The following ANGPTL6 variants were observed in gnomAD, a reference collection of about 807,000 sequenced individuals.
ANGPTL6 encodes the protein angiopoietin-related protein 6.
ANGPTL6 carries 45 observed loss-of-function variants against 47.4 expected under a neutral mutation model. That is an observed-to-expected ratio of 0.95 (90% CI 0.75 to 1.22). The LOEUF (loss-of-function observed/expected upper bound fraction) is 1.22, where lower values mean the gene tolerates loss of function less well. Ranked by LOEUF, ANGPTL6 falls within the 50% of genes most tolerant of loss-of-function variation. ANGPTL6 has a pLI of 0.00. For synonymous variants in ANGPTL6, 290 were observed against 295.9 expected (o/e 0.98, Z 0.20); for missense variants, 698 against 669.4 (o/e 1.04, Z -0.47).
At chr19:10,095,749 G>C (rs1437691099) in intron 2 of ANGPTL6, among the ~76,000 whole-genome samples, 1 of 152,154 alleles carries the variant, frequency 6.6e-6, no homozygotes, top group Non-Finnish European at 1.5e-5. Context: ...TGGTCTTTAC[G>C]TGATAATGAT....
chr19:10,097,697 CAA>C, intron 1 of ANGPTL6, among the ~76,000 whole-genome samples: 1 of 151,648 alleles, frequency 6.6e-6, no homozygotes, highest in Non-Finnish European at 1.5e-5. Context: ...ACTAAAAATA[CAA>C]AAAGTTAGCT....
At chr19:10,099,907 C>A (rs1309431742) in intron 1 of ANGPTL6, among the ~76,000 whole-genome samples, 1 of 143,810 alleles carries the variant, frequency 7.0e-6, no homozygotes, top group Non-Finnish European at 1.5e-5. Context: ...TTTTTTTAGA[C>A]GGAGTCTCGC....
rs143740595 is a variant in ANGPTL6, at chr19:10,093,801, G to A, written c.843C>T (p.His281=). The A allele has an allele frequency of 9.9e-6, 16 of 1,613,876 alleles. No individual in the cohort carries two copies. In the African/African-American group the frequency reaches 1.3e-4, roughly 13 times the overall value. The stretch of plus-strand genomic sequence containing the variant: ...GCTGCTCACACCATACTGACACTAC[G>A]TGACGGCCCACTCGCAGTTCATACA... ...SGVYELRVGR[H]VVSVWCEQQL... Residue 281 remains histidine (H), a synonymous_variant, in exon 4 of 6, where the codon CAC becomes CAT. Transcript: ENST00000253109.
chr19:10,104,356 G>A (rs2088766586), upstream of ANGPTL6, among the ~76,000 whole-genome samples: 1 of 149,508 alleles, frequency 6.7e-6, no homozygotes, highest in African/African-American at 2.5e-5. Flanking sequence ...GTAGTTTTAT[G>A]GTTCTGAGTT....
intron 5 of ANGPTL6, 141 bp from the exon 6 acceptor site, chr19:10,092,920 CA>C (rs2088428891): frequency 1.3e-5 from 9 of 683,996 alleles, no homozygotes; most frequent in South Asian, 6.6e-5. Context: ...ATCTCCTCAG[CA>C]AAAAAATAGG....
chr19:10,099,223 G>A (rs764064006), intron 1 of ANGPTL6, among the ~76,000 whole-genome samples: 1 of 151,928 alleles, frequency 6.6e-6, no homozygotes, highest in Non-Finnish European at 1.5e-5. Flanking sequence ...TCCCTCCTCT[G>A]CCCTGAATCC....
rs1369593415 is a variant in ANGPTL6, at chr19:10,096,339, C to T, written c.225G>A (p.Leu75=). The part of the protein sequence containing the change: ...LRMRVGRHEE[L]LRELQRLAAA... ...CCGCCAGCCTCTGCAGCTCGCGTAA[C>T]AGCTCCTCGTGGCGGCCGACGCGCA... is the stretch of plus-strand genomic sequence containing the variant. The change falls in exon 2 of 6, where the codon CTG becomes CTA. Residue 75 remains leucine, a synonymous_variant. Transcript: ENST00000253109. The T allele has an allele frequency of 9.3e-6, 12 of 1,288,332 alleles. No homozygotes were observed. Among genetic ancestry groups the T allele is most frequent in the Non-Finnish European group, 1.2e-5 (12 of 1,022,908 alleles). 79.8% of individuals were successfully genotyped at this position (1,288,332 alleles called of 1,614,324 possible). A position where few individuals can be genotyped will look rare whatever the true frequency, so the allele number is the denominator to read the frequency against.
chr19:10,103,648 A>G (rs1180464350), upstream of ANGPTL6, among the ~76,000 whole-genome samples: 2 of 149,636 alleles, frequency 1.3e-5, no homozygotes, highest in East Asian at 1.9e-4. Context: ...TAATAAAGTG[A>G]GGAATTAATT....
intron 1 of ANGPTL6, among the ~76,000 whole-genome samples, chr19:10,097,043 G>T (rs2088564338): frequency 6.6e-6 from 1 of 151,950 alleles, no homozygotes; most frequent in Non-Finnish European, 1.5e-5. Flanking sequence ...AGGCTTCAGT[G>T]AGCCATGATC....
chr19:10,105,691 G>A (rs776566836), upstream of ANGPTL6, among the ~76,000 whole-genome samples: 3 of 151,788 alleles, frequency 2.0e-5, no homozygotes, highest in Non-Finnish European at 2.9e-5. Flanking sequence ...AGAGGAGGCC[G>A]ATGGGGGAGG....
intron 2 of ANGPTL6, 59 bp downstream of exon 2, chr19:10,095,923 G>A: frequency 3.0e-6 from 3 of 1,012,396 alleles, no homozygotes; most frequent in East Asian, 6.4e-5. Flanking sequence ...AGAGATCGTG[G>A]GGTTGCAAAA....
chr19:10,094,920 G>T lies in ANGPTL6; in HGVS notation c.601C>A (p.Leu201Met). 2 of 1,610,654 alleles carry T rather than the reference G, an allele frequency of 1.2e-6. No individual in the cohort carries two copies. The highest frequency in any genetic ancestry group is 1.7e-6 in the Non-Finnish European group (2 of 1,177,926). The change falls in exon 3 of 6, where the codon CTG becomes ATG. Residue 201 changes from leucine to methionine, a missense_variant. By Grantham distance (15) the Leu-to-Met change is conservative (BLOSUM62 2). Coordinates refer to ENST00000253109, the MANE Select transcript of ANGPTL6 (RefSeq NM_031917.3). ...GQQQVLPPPP[L>M]VPVVPVRLVG... ...AGACGGACCGGAACCACAGGCACCA[G>T]TGGGGGTGGCGGCAGGACCTGGGGT...
chr19:10,092,376 C>A lies in ANGPTL6; in HGVS notation c.*213G>T. ...TGTTATTATAAGATATGAGCTCAAA[C>A]CGAGATATGAATGACCTTGGGGAGC... On this transcript the variant is annotated 3_prime_UTR_variant, in exon 6 of 6. Transcript: ENST00000253109. The A allele has an allele frequency of 1.3e-6, 2 of 1,532,398 alleles. No individual in the cohort carries two copies. Among genetic ancestry groups the A allele is most frequent in the Non-Finnish European group, 1.7e-6 (2 of 1,143,310 alleles). 94.9% of individuals were successfully genotyped at this position (1,532,398 alleles called of 1,614,324 possible).
In ANGPTL6 at chr19:10,102,604, CAG is replaced by C. The variant is rs1184363983; in HGVS notation, c.-49_-48del. ...AAGACCCTGAATCCAGCGAAGCTCA[CAG>C]AACACACAAGAAGTCCAAGGAAGAG... On this transcript the variant is annotated 5_prime_UTR_variant, in exon 1 of 6. Transcript: ENST00000253109. 4 of 984,492 alleles carry C rather than the reference CAG, an allele frequency of 4.1e-6. No homozygotes were observed. The highest frequency in any genetic ancestry group is 6.2e-5 in the Admixed American group (1 of 16,226). 61.0% of individuals were successfully genotyped at this position (984,492 alleles called of 1,614,324 possible). A position where few individuals can be genotyped will look rare whatever the true frequency, so the allele number is the denominator to read the frequency against.
intron 1 of ANGPTL6, 33 bp from the exon 2 acceptor site, chr19:10,096,606 G>C (rs1267694132): frequency 6.9e-7 from 1 of 1,443,892 alleles, no homozygotes. Context: ...AGGAAGACGG[G>C]GTGCTGGGGC....
chr19:10,099,287 A>G (rs924418612), intron 1 of ANGPTL6, among the ~76,000 whole-genome samples: 7 of 152,116 alleles, frequency 4.6e-5, no homozygotes, highest in Non-Finnish European at 8.8e-5. Context: ...CATGATCCAT[A>G]AAAAGTTGCG....
In ANGPTL6 at chr19:10,096,371, G is replaced by C; in HGVS notation, c.193C>G (p.Leu65Val). The change falls in exon 2 of 6, where the codon CTG (leucine) becomes GTG (valine). Residue 65 changes from leucine (L) to valine (V), a missense_variant. By Grantham distance (32) the Leu-to-Val change is conservative. Coordinates refer to ENST00000253109, the MANE Select transcript of ANGPTL6 (RefSeq NM_031917.3). ...TCGTGGCGGCCGACGCGCATGCGCA[G>C]CGCCGCCAGCTCGCTGGCGTTGGCG... is the stretch of plus-strand genomic sequence containing the variant. Reference protein sequence around the residue: ...EAANASELAALRMRVGRHEEL... With the variant: ...EAANASELAAVRMRVGRHEEL... The C allele has an allele frequency of 7.7e-7, 1 of 1,296,438 alleles. No homozygotes were observed. Among genetic ancestry groups the C allele is most frequent in the Non-Finnish European group, 9.7e-7 (1 of 1,026,668 alleles). The allele number at this position is 1,296,438 out of a possible 1,614,324, so 80.3% of individuals were successfully genotyped here.
In ANGPTL6 at chr19:10,094,616, C is replaced by T. The variant is rs1599284139; in HGVS notation, c.763+142G>A. Reference sequence around the variant, plus strand: ...ATTTCTTGTTTCTCCTATTTTCACACCTTAGAAGTTTGGTCTTATTTTTAA... The same window carrying T: ...ATTTCTTGTTTCTCCTATTTTCACATCTTAGAAGTTTGGTCTTATTTTTAA... On this transcript the variant is annotated intron_variant, in intron 3 of 5. Coordinates refer to ENST00000253109, the MANE Select transcript of ANGPTL6 (RefSeq NM_031917.3). 5 of 1,048,544 alleles carry T rather than the reference C, an allele frequency of 4.8e-6. No individual in the cohort carries two copies. The East Asian group carries it at 9.6e-5, about 20-fold the overall frequency. The allele number at this position is 1,048,544 out of a possible 1,614,324, so 65.0% of individuals were successfully genotyped here. A position where few individuals can be genotyped will look rare whatever the true frequency, so the allele number is the denominator to read the frequency against.
chr19:10,095,282 C>T (rs553841406), intron 2 of ANGPTL6, among the ~76,000 whole-genome samples: 32 of 152,286 alleles, frequency 2.1e-4, no homozygotes, highest in African/African-American at 7.7e-4. Flanking sequence ...TGTGTTGGCT[C>T]ACGCCTGTAA....
Sources: gnomAD v4.1 joint callset for allele counts (sites outside exome capture counted in the v4.1 genomes callset) on GRCh38, gnomAD v4.1.1 for gene constraint, MANE v1.5 for transcripts, NCBI Gene and HGNC (gene_info 2026-07-23, HGNC 2026-07-21) for gene names.